Variants in CRBN observed in about 807,000 individuals in gnomAD.
CRBN encodes the protein cereblon, also known as protein cereblon.
In CRBN, 53 loss-of-function variants were observed where a neutral mutation model predicts 62.2. The ratio of observed to expected loss-of-function variants is 0.85; its 90% CI spans 0.68 to 1.07. CRBN has a LOEUF of 1.07. Among genes scored for constraint, CRBN ranks in the 50% least tolerant of loss-of-function variants. The pLI is 0.00. For synonymous variants in CRBN, 208 were observed against 176.1 expected, an observed-to-expected ratio of 1.18 and a Z score of -1.43; for missense variants, 616 against 531.1, an observed-to-expected ratio of 1.16 and a Z score of -1.57.
At chr3:3,161,564 T>C (rs1322666184) in intron 5 of CRBN, among the ~76,000 whole-genome samples, 1 of 152,182 alleles carries the variant, frequency 6.6e-6, no homozygotes, top group African/African-American at 2.4e-5. Flanking sequence ...AATTTTTGTA[T>C]ATTTAGTAGA....
intron 4 of CRBN, chr3:3,172,499 G>C: frequency 2.2e-6 from 1 of 448,140 alleles, no homozygotes; most frequent in Non-Finnish European, 4.1e-6. Flanking sequence ...AGAGACATTA[G>C]AATCACCTGA....
intron 10 of CRBN, among the ~76,000 whole-genome samples, chr3:3,152,239 G>GCCTT (rs369461120): frequency 2.1e-4 from 32 of 150,800 alleles, no homozygotes; most frequent in African/African-American, 6.6e-4. Flanking sequence ...CAACACTCTT[G>GCCTT]CCTTCCAGGT....
chr3:3,167,478 C>T lies in CRBN; in HGVS notation c.687+156G>A, dbSNP rs561951659. Reference sequence around the variant, plus strand: ...TGTAAACTGCTTTTACATAAAGTAGCTGCCTGTGCAATTTTTAGAGGATCA... The same window carrying T: ...TGTAAACTGCTTTTACATAAAGTAGTTGCCTGTGCAATTTTTAGAGGATCA... On this transcript the variant is annotated intron_variant, in intron 5 of 10. Transcript: ENST00000231948. 1.1e-4 allele frequency: 74 copies of T among 676,530 alleles called. No homozygotes were observed. In the South Asian group the frequency reaches 1.3e-3, roughly 12 times the overall value. The allele number at this position is 676,530 out of a possible 1,614,324, so 41.9% of individuals were successfully genotyped here. A position where few individuals can be genotyped will look rare whatever the true frequency, so the allele number is the denominator to read the frequency against.
chr3:3,162,172 A>G (rs1707168376), intron 5 of CRBN, among the ~76,000 whole-genome samples: 1 of 152,194 alleles, frequency 6.6e-6, no homozygotes, highest in Admixed American at 6.5e-5. Context: ...TTCCCATTTG[A>G]CTTATCTTTA....
intron 1 of CRBN, 147 bp downstream of exon 1, chr3:3,179,474 G>A (rs1454518983): frequency 2.5e-5 from 18 of 717,058 alleles, no homozygotes; most frequent in Non-Finnish European, 3.8e-5. Flanking sequence ...GCCGAGGGCC[G>A]ACGTGAAGCA....
At position 3,152,439 on chromosome 3, in the gene CRBN, C is replaced by T; in HGVS notation, c.1148+17G>A. 2 of 1,607,940 alleles carry T rather than the reference C, an allele frequency of 1.2e-6. No homozygotes were observed. Among genetic ancestry groups the T allele is most frequent in the Non-Finnish European group, 1.7e-6 (2 of 1,178,494 alleles). On this transcript the variant is annotated intron_variant, in intron 10 of 10. Coordinates refer to ENST00000231948, the MANE Select transcript of CRBN (RefSeq NM_016302.4). ...GTAAAAAAAGAAAAAAAAAAGCAAC[C>T]ACCACCATAATATTACCCAGGAAAC... is the stretch of plus-strand genomic sequence containing the variant.
At chr3:3,153,729 T>C in intron 8 of CRBN, 1 of 614,038 alleles carries the variant, frequency 1.6e-6, no homozygotes, top group East Asian at 2.8e-5. Flanking sequence ...TAGTGATATA[T>C]AACCTTGGAT....
intron 5 of CRBN, among the ~76,000 whole-genome samples, chr3:3,161,782 A>G (rs1004868660): frequency 1.3e-5 from 2 of 152,236 alleles, no homozygotes; most frequent in African/African-American, 4.8e-5. Context: ...ATTTACCTAT[A>G]TAAAAGGTCA....
At position 3,174,047 on chromosome 3, in the gene CRBN, C is replaced by T; in HGVS notation, c.377+12G>A. Reference sequence around the variant, plus strand: ...AGGGAATGTATTAAGCAAATGGACTCTAATATTTTACCTGTATGCAAGAAC... The same window carrying T: ...AGGGAATGTATTAAGCAAATGGACTTTAATATTTTACCTGTATGCAAGAAC... On this transcript the variant is annotated intron_variant, in intron 3 of 10. Transcript: ENST00000231948. The T allele has an allele frequency of 6.2e-7, 1 of 1,608,808 alleles. No individual in the cohort carries two copies. The highest frequency in any genetic ancestry group is 8.5e-7 in the Non-Finnish European group (1 of 1,175,280).
intron 1 of CRBN, among the ~76,000 whole-genome samples, chr3:3,175,707 C>T (rs1407853573): frequency 6.6e-6 from 1 of 152,054 alleles, no homozygotes; most frequent in Non-Finnish European, 1.5e-5. Flanking sequence ...TATCAGGTCC[C>T]CCTACCCTCC....
At chr3:3,166,350 A>T (rs1168264837) in intron 5 of CRBN, among the ~76,000 whole-genome samples, 1 of 151,966 alleles carries the variant, frequency 6.6e-6, no homozygotes, top group African/African-American at 2.4e-5. Flanking sequence ...TTGACTTTCA[A>T]CCTTCTGCCA....
intron 1 of CRBN, among the ~76,000 whole-genome samples, chr3:3,177,036 C>T (rs540033886): frequency 8.5e-5 from 13 of 152,146 alleles, no homozygotes; most frequent in Non-Finnish European, 1.5e-4. Context: ...CTAAGGGAGT[C>T]CTACTGGCAT....
rs190073835 is a variant in CRBN, at chr3:3,157,765, A to T, written c.688-1484T>A. On this transcript the variant is annotated intron_variant, in intron 5 of 10. Transcript: ENST00000231948. ...ACTCCAATCCTATTCTAGCTATGTT[A>T]GTTTGGTGCAAAAGTAACTGCGGTT... Among the ~76,000 whole-genome samples, 215 of 152,298 alleles carry T rather than the reference A, an allele frequency of 1.4e-3. 2 individuals are homozygous for T. The highest frequency in any genetic ancestry group is 9.7e-4 in the East Asian group (5 of 5,180).
chr3:3,170,554 G>C (rs1707565594), intron 4 of CRBN, among the ~76,000 whole-genome samples: 1 of 152,102 alleles, frequency 6.6e-6, no homozygotes, highest in Non-Finnish European at 1.5e-5. Flanking sequence ...AACCTCTCTA[G>C]TACCTGGCAT....
At chr3:3,159,762 T>TTAGC (rs1707062236) in intron 5 of CRBN, among the ~76,000 whole-genome samples, 1 of 152,312 alleles carries the variant, frequency 6.6e-6, no homozygotes, top group Admixed American at 6.5e-5. Context: ...CCAGAACAGA[T>TTAGC]TAGCTAGCTA....
At chr3:3,162,277 T>C (rs761905612) in intron 5 of CRBN, among the ~76,000 whole-genome samples, 1 of 152,184 alleles carries the variant, frequency 6.6e-6, no homozygotes, top group Non-Finnish European at 1.5e-5. Flanking sequence ...CTTAGAAACA[T>C]TTAAGTCATA....
chr3:3,173,830 G>A (rs768943592), intron 3 of CRBN: 23 of 541,336 alleles, frequency 4.2e-5, no homozygotes, highest in African/African-American at 7.5e-5. Context: ...TCAAATACCA[G>A]AAAGTTAAAT....
At chr3:3,160,982 G>C (rs569784639) in intron 5 of CRBN, among the ~76,000 whole-genome samples, 9 of 152,172 alleles carry the variant, frequency 5.9e-5, no homozygotes, top group Non-Finnish European at 1.3e-4. Flanking sequence ...AACTGCACAA[G>C]GATCAGAGCT....
chr3:3,158,614 C>T (rs1398040086), intron 5 of CRBN, among the ~76,000 whole-genome samples: 15 of 152,204 alleles, frequency 9.9e-5, no homozygotes, highest in Admixed American at 9.8e-4. Context: ...ACAGCAATGG[C>T]AACCATTAGT....
Sources: gnomAD v4.1 joint callset for allele counts (sites outside exome capture counted in the v4.1 genomes callset) on GRCh38, gnomAD v4.1.1 for gene constraint, MANE v1.5 for transcripts, NCBI Gene and HGNC (gene_info 2026-07-23, HGNC 2026-07-21) for gene names.